LPP: variants seen among roughly 807,000 people sequenced by gnomAD.
LPP encodes LIM domain containing preferred translocation partner in lipoma, also known as lipoma-preferred partner.
A neutral mutation model predicts 60.4 loss-of-function variants in LPP; 38 were observed. The ratio of observed to expected loss-of-function variants is 0.63; its 90% CI spans 0.49 to 0.83. The LOEUF (loss-of-function observed/expected upper bound fraction) is 0.83, where lower values mean the gene tolerates loss of function less well. Ranked by LOEUF, LPP falls within the 40% of genes least tolerant of loss-of-function variation. The pLI is 0.00. For missense variants in LPP, 902 were observed against 783.6 expected (o/e 1.15, Z -1.80); for synonymous variants, 328 against 290.8 (o/e 1.13, Z -1.30).
At chr3:188,286,338 A>T in intron 2 of LPP, among the ~76,000 whole-genome samples, 1 of 152,060 alleles carries the variant, frequency 6.6e-6, no homozygotes, top group East Asian at 1.9e-4. Context: ...GGTTTGAGTG[A>T]CTCAACATGC....
Position 188,760,232 on chromosome 3 carries a change from C to T in LPP, c.1360C>T (p.Gln454Ter). ...CIICNNKLRG[Q>*]PFYAVEKKAY... ...CATCTGCAACAACAAGCTCCGAGGG[C>T]AGCCATTCTATGCTGTGGAAAAGAA... Residue 454 changes from glutamine to a stop codon, truncating the protein, a stop_gained, in exon 9 of 12, where the codon CAG becomes TAG. Coordinates refer to ENST00000617246, the MANE Select transcript of LPP (RefSeq NM_001375462.1). LOFTEE classifies it high-confidence loss of function. The T allele has an allele frequency of 6.2e-7, 1 of 1,614,122 alleles. No individual in the cohort carries two copies. Among genetic ancestry groups the T allele is most frequent in the Non-Finnish European group, 8.5e-7 (1 of 1,180,010 alleles).
intron 2 of LPP, among the ~76,000 whole-genome samples, chr3:188,291,754 A>G (rs574870637): frequency 1.7e-3 from 263 of 151,838 alleles, no homozygotes; most frequent in African/African-American, 6.0e-3. Flanking sequence ...TGTGTGCTTT[A>G]TGACATCTCT....
intron 8 of LPP, among the ~76,000 whole-genome samples, chr3:188,730,657 A>G (rs1720121406): frequency 6.6e-6 from 1 of 152,210 alleles, no homozygotes; most frequent in African/African-American, 2.4e-5. Flanking sequence ...GGGTTGTGTC[A>G]ATAAGTGTTT....
chr3:188,314,915 G>A (rs11928779), intron 2 of LPP, among the ~76,000 whole-genome samples: 2,957 of 152,182 alleles, frequency 0.019, 119 homozygotes, highest in African/African-American at 0.067. Flanking sequence ...AAATATGGTA[G>A]AATTCCCTTG....
intron 7 of LPP, among the ~76,000 whole-genome samples, chr3:188,700,946 A>G (rs1006754951): frequency 1.4e-4 from 21 of 152,348 alleles, no homozygotes; most frequent in African/African-American, 4.6e-4. Flanking sequence ...TGAAAATAAC[A>G]TGTTACACAT....
chr3:188,410,074 T>C (rs1784544090), intron 4 of LPP, among the ~76,000 whole-genome samples: 2 of 152,224 alleles, frequency 1.3e-5, no homozygotes, highest in Non-Finnish European at 2.9e-5. Context: ...CTGTCTTCTC[T>C]AGCGGAGTCT....
At chr3:188,316,797 T>C (rs1755218798) in intron 2 of LPP, among the ~76,000 whole-genome samples, 1 of 152,248 alleles carries the variant, frequency 6.6e-6, no homozygotes, top group Non-Finnish European at 1.5e-5. Context: ...TAAAAGTTGC[T>C]GAGTGAATTA....
At chr3:188,586,763 C>T (rs542543056) in intron 6 of LPP, among the ~76,000 whole-genome samples, 49 of 149,192 alleles carry the variant, frequency 3.3e-4, no homozygotes, top group Admixed American at 2.5e-3. Flanking sequence ...GAGTCTCGCT[C>T]TGTCGCCAGG....
At chr3:188,529,022 T>C (rs1453133283) in intron 6 of LPP, among the ~76,000 whole-genome samples, 1 of 152,232 alleles carries the variant, frequency 6.6e-6, no homozygotes, top group Non-Finnish European at 1.5e-5. Flanking sequence ...ATTCAGAAAT[T>C]AAAGGATGAT....
chr3:188,725,036 C>T (rs1409753841), intron 8 of LPP, among the ~76,000 whole-genome samples: 1 of 152,154 alleles, frequency 6.6e-6, no homozygotes, highest in Non-Finnish European at 1.5e-5. Context: ...TGAATTTTGC[C>T]ATTTTATTTC....
At chr3:188,560,828 G>A (rs1830506418) in intron 6 of LPP, among the ~76,000 whole-genome samples, 1 of 151,996 alleles carries the variant, frequency 6.6e-6, no homozygotes, top group Non-Finnish European at 1.5e-5. Flanking sequence ...CCTAATATCT[G>A]GGAGTTTACA....
In LPP at chr3:188,720,443, G is replaced by A. The variant is rs140729237; in HGVS notation, c.1240+12050G>A. ...TCCCGGTTCAGAGGATTTTGCCACT[G>A]TACTTGTGCCATATAAAATGCTGAA... On this transcript the variant is annotated intron_variant, in intron 8 of 11. Coordinates refer to ENST00000617246, the MANE Select transcript of LPP (RefSeq NM_001375462.1). Among the ~76,000 whole-genome samples the A allele has an allele frequency of 2.0e-5, 3 of 152,242 alleles. No individual in the cohort carries two copies. The East Asian group carries it at 5.8e-4, about 29-fold the overall frequency.
At chr3:188,754,024 A>G (rs552431520) in intron 8 of LPP, among the ~76,000 whole-genome samples, 1 of 152,336 alleles carries the variant, frequency 6.6e-6, no homozygotes, top group African/African-American at 2.4e-5. Flanking sequence ...TTGCTACATT[A>G]TGTAAAGACA....
At chr3:188,568,794 G>A (rs930904592) in intron 6 of LPP, 6 of 152,002 alleles carry the variant, frequency 3.9e-5, no homozygotes, top group African/African-American at 1.2e-4. Context: ...AAGAAAATAT[G>A]CTGTGGCTCT....
At chr3:188,547,641 TA>T (rs1280348914) in intron 6 of LPP, among the ~76,000 whole-genome samples, 1 of 152,232 alleles carries the variant, frequency 6.6e-6, no homozygotes, top group Non-Finnish European at 1.5e-5. Context: ...ACCTGATATA[TA>T]GTGAAATTGT....
At chr3:188,683,228 A>G (rs993626119) in intron 7 of LPP, among the ~76,000 whole-genome samples, 3 of 151,844 alleles carry the variant, frequency 2.0e-5, no homozygotes, top group Admixed American at 6.6e-5. Flanking sequence ...AGGGATGTCT[A>G]TACACATTCT....
chr3:188,630,162 A>G (rs1018823848), intron 7 of LPP, among the ~76,000 whole-genome samples: 9 of 63,180 alleles, frequency 1.4e-4, no homozygotes, highest in African/African-American at 4.3e-4. Flanking sequence ...CAGCAAAACA[A>G]ACTATCAACA....
chr3:188,156,479 G>A (rs556734776), intron 1 of LPP, among the ~76,000 whole-genome samples: 1 of 152,108 alleles, frequency 6.6e-6, no homozygotes, highest in African/African-American at 2.4e-5. Flanking sequence ...TAGAGGGGAG[G>A]TACTGGCATC....
chr3:188,821,664 T>TTA (rs761862975), intron 9 of LPP, among the ~76,000 whole-genome samples: 5 of 152,102 alleles, frequency 3.3e-5, no homozygotes, highest in East Asian at 3.9e-4. Flanking sequence ...ATATTTATGC[T>TTA]TATATATATA....
Sources: allele counts gnomAD v4.1 joint callset (sites outside exome capture counted in the v4.1 genomes callset), GRCh38; gene constraint gnomAD v4.1.1; transcripts MANE v1.5; gene names NCBI Gene and HGNC (gene_info 2026-07-23, HGNC 2026-07-21).